ADGRD2: variants seen among roughly 807,000 people sequenced by gnomAD.
ADGRD2 encodes G protein-coupled receptor PGR24.
A neutral mutation model predicts 44.4 loss-of-function variants in ADGRD2; 71 were observed. The ratio of observed to expected loss-of-function variants is 1.60; its 90% CI spans 1.32 to 1.95. The LOEUF (loss-of-function observed/expected upper bound fraction) is 1.95. Among genes scored for constraint, ADGRD2 ranks in the 30% most tolerant of loss-of-function variants. The probability of loss-of-function intolerance (pLI) is 0.00; values close to 1 mark genes in which losing one functional copy is unlikely to be tolerated. For synonymous variants in ADGRD2, 481 were observed against 224.8 expected (o/e 2.14, Z -10.19); for missense variants, 1,039 against 512.4 (o/e 2.03, Z -9.92).
At chr9:124,458,190 G>C in exon 9 of ADGRD2, 2 of 718,498 alleles carry the variant, frequency 2.8e-6, no homozygotes, top group Admixed American at 4.0e-5. Flanking sequence ...ACCGGACCTA[G>C]AGCCCCAGGC....
intron 17 of ADGRD2, among the ~76,000 whole-genome samples, chr9:124,472,460 T>G (rs866429100): frequency 2.1e-4 from 4 of 19,060 alleles, no homozygotes; most frequent in African/African-American, 8.2e-4. Context: ...TTGTTTGTTT[T>G]TTGTTTGTTT....
exon 11 of ADGRD2, chr9:124,466,304 C>T (rs1432310858): frequency 1.4e-6 from 1 of 714,876 alleles, no homozygotes; most frequent in Admixed American, 2.0e-5. Context: ...ACAGGGGGTG[C>T]CTGGGCCACC....
chr9:124,469,184 G>A, intron 14 of ADGRD2, 38 bp from the exon 18 acceptor site: 1 of 688,582 alleles, frequency 1.5e-6, no homozygotes, highest in Non-Finnish European at 2.7e-6. Context: ...GGAAAAAGCA[G>A]GTGACCCAGC....
intron 9 of ADGRD2, 82 bp from the exon 13 acceptor site, chr9:124,458,534 C>T (rs777721895): frequency 2.2e-4 from 150 of 676,236 alleles, no homozygotes; most frequent in African/African-American, 2.2e-3. Context: ...CCACCTCCAC[C>T]GTAGGGGCCT....
exon 12 of ADGRD2, chr9:124,467,780 C>T: frequency 1.4e-6 from 1 of 718,552 alleles, no homozygotes; most frequent in Non-Finnish European, 2.6e-6. Flanking sequence ...GTGGCGTGTC[C>T]TTCTGCGCCC....
At chr9:124,475,327 T>C in intron 17 of ADGRD2, 119 bp from the exon 21 acceptor site, 1 of 606,866 alleles carries the variant, frequency 1.6e-6, no homozygotes, top group East Asian at 3.0e-5. Flanking sequence ...TCAGCCTGTC[T>C]CTGGGTATCT....
At chr9:124,468,885 TC>T (rs140425794) in intron 14 of ADGRD2, among the ~76,000 whole-genome samples, 3,534 of 152,126 alleles carry the variant, frequency 0.023, 152 homozygotes, top group African/African-American at 0.081. Flanking sequence ...AATTTACCCA[TC>T]CCCATTCCTC....
chr9:124,475,429 G>T lies in ADGRD2; in HGVS notation c.2759-17G>T. ...TAGGAGGCTCCGGGCTGAGGCACTC[G>T]CTGGGTCTGTCCTCAGGGGCTGTAC... On this transcript the variant is annotated splice_polypyrimidine_tract_variant and intron_variant, in intron 17 of 21. Transcript: ENST00000334810. The T allele has an allele frequency of 1.4e-6, 1 of 709,870 alleles. No individual in the cohort carries two copies. The allele number at this position is 709,870 out of a possible 1,614,324, so 44.0% of individuals were successfully genotyped here. A position where few individuals can be genotyped will look rare whatever the true frequency, so the allele number is the denominator to read the frequency against.
intron 10 of ADGRD2, among the ~76,000 whole-genome samples, chr9:124,460,356 C>A (rs1022051692): frequency 3.4e-5 from 5 of 148,276 alleles, no homozygotes; most frequent in Non-Finnish European, 5.9e-5. Flanking sequence ...GCATGCGCTA[C>A]CATGTCCAGC....
intron 13 of ADGRD2, 54 bp downstream of exon 16, chr9:124,468,244 T>A (rs1225742715): frequency 1.4e-6 from 1 of 716,448 alleles, no homozygotes; most frequent in African/African-American, 1.7e-5. Flanking sequence ...AAAGTGCCTG[T>A]GGGCTTTTCT....
Position 124,467,713 on chromosome 9 carries a change from C to T in ADGRD2, c.2027-8C>T. Reference sequence around the variant, plus strand: ...GTGCCAGGGGGGTTTCTCTGTCCCTCCACACAGAGAGGCCCTGAGGAGGAG... The same window carrying T: ...GTGCCAGGGGGGTTTCTCTGTCCCTTCACACAGAGAGGCCCTGAGGAGGAG... On this transcript the variant is annotated splice_polypyrimidine_tract_variant and splice_region_variant and intron_variant, in intron 11 of 21. Coordinates refer to ENST00000334810, the Ensembl canonical transcript of ADGRD2. 1 of 718,316 alleles carries T rather than the reference C, an allele frequency of 1.4e-6. No homozygotes were observed. 44.5% of individuals were successfully genotyped at this position (718,316 alleles called of 1,614,324 possible).
intron 10 of ADGRD2, among the ~76,000 whole-genome samples, chr9:124,462,240 T>C (rs1001901021): frequency 6.6e-6 from 1 of 151,770 alleles, no homozygotes; most frequent in African/African-American, 2.4e-5. Context: ...AATTTTTTTT[T>C]TCTCTTTTTG....
At chr9:124,452,479 C>A (rs1305205499) in intron 1 of ADGRD2, 31 bp from the exon 5 acceptor site, 2 of 717,992 alleles carry the variant, frequency 2.8e-6, no homozygotes, top group Non-Finnish European at 5.2e-6. Context: ...CCACAAAATG[C>A]ACCCCCCACC....
chr9:124,466,353 C>A, exon 11 of ADGRD2: 1 of 717,666 alleles, frequency 1.4e-6, no homozygotes, highest in South Asian at 1.5e-5. Context: ...TGGACTCCAC[C>A]GCCTGCTTCT....
At chr9:124,453,192 C>T (rs868781107) in exon 3 of ADGRD2, 1 of 679,518 alleles carries the variant, frequency 1.5e-6, no homozygotes, top group Non-Finnish European at 2.7e-6. Context: ...TCTCCGTTGC[C>T]GCGCCCGCGC....
intron 16 of ADGRD2, 53 bp downstream of exon 19, chr9:124,469,600 G>A (rs1320271148): frequency 4.2e-6 from 3 of 709,176 alleles, no homozygotes; most frequent in Admixed American, 2.0e-5. Context: ...ACAGTCAGCC[G>A]GCGCCAGGCG....
rs1831892734 is a variant in ADGRD2 at position 124,469,201 on chromosome 9, G to GC, written c.2388-16dup. On this transcript the variant is annotated intron_variant, in intron 14 of 21. Transcript: ENST00000334810. ...AAAAAGCAGGTGACCCAGCCTTGAG[G>GC]CCCCCTTCTCCCTCTCCCAGGCGTG... is the stretch of plus-strand genomic sequence containing the variant. 3 of 702,228 alleles carry GC rather than the reference G, an allele frequency of 4.3e-6. No individual in the cohort carries two copies. In the East Asian group the frequency reaches 8.1e-5, roughly 19 times the overall value. 43.5% of individuals were successfully genotyped at this position (702,228 alleles called of 1,614,324 possible).
At chr9:124,458,774 C>T in intron 10 of ADGRD2, 53 bp downstream of exon 13, 1 of 705,048 alleles carries the variant, frequency 1.4e-6, no homozygotes, top group East Asian at 2.7e-5. Context: ...TGTCCTGGTT[C>T]AGTTCCCCCA....
At chr9:124,452,393 G>A in intron 1 of ADGRD2, 117 bp from the exon 5 acceptor site, 1 of 688,468 alleles carries the variant, frequency 1.5e-6, no homozygotes, top group Non-Finnish European at 2.7e-6. Context: ...GACATGGGCG[G>A]GTTCAGCCCC....
Sources: gnomAD v4.1 joint callset for allele counts (sites outside exome capture counted in the v4.1 genomes callset) on GRCh38, gnomAD v4.1.1 for gene constraint, MANE v1.5 for transcripts, NCBI Gene and HGNC (gene_info 2026-07-23, HGNC 2026-07-21) for gene names.